The following SLC30A8 variants were observed in gnomAD, a reference collection of about 807,000 sequenced individuals.
The protein encoded by SLC30A8 is proton-coupled zinc antiporter SLC30A8.
Under a neutral mutation model 36.9 loss-of-function variants are expected in SLC30A8, and 27 were observed. That is an observed-to-expected ratio of 0.73 (90% CI 0.54 to 1.01). SLC30A8 has a LOEUF of 1.01. Among genes scored for constraint, SLC30A8 ranks in the 50% least tolerant of loss-of-function variants. SLC30A8 has a pLI of 0.00. For synonymous variants in SLC30A8, 164 were observed against 172.4 expected (o/e 0.95, Z 0.38); for missense variants, 439 against 452.0 (o/e 0.97, Z 0.26).
chr8:117,019,699 A>G (rs1344574763), intron 1 of SLC30A8, among the ~76,000 whole-genome samples: 1 of 152,222 alleles, frequency 6.6e-6, no homozygotes, highest in Non-Finnish European at 1.5e-5. Context: ...ATTGAAAAGA[A>G]TGTTTGAAAA....
chr8:117,120,864 A>G (rs1173546847), intron 2 of SLC30A8, among the ~76,000 whole-genome samples: 1 of 151,908 alleles, frequency 6.6e-6, no homozygotes, highest in Non-Finnish European at 1.5e-5. Flanking sequence ...TCAAAGGGCC[A>G]ATAAGTATAT....
chr8:117,153,800 C>T (rs747153941), intron 3 of SLC30A8, among the ~76,000 whole-genome samples: 6 of 151,422 alleles, frequency 4.0e-5, no homozygotes, highest in Non-Finnish European at 8.8e-5. Flanking sequence ...AGGAGGAAAG[C>T]AAACACGTGC....
At chr8:117,008,467 C>G (rs1379528868) in intron 1 of SLC30A8, among the ~76,000 whole-genome samples, 1 of 152,116 alleles carries the variant, frequency 6.6e-6, no homozygotes, top group Non-Finnish European at 1.5e-5. Context: ...CATTAGATAC[C>G]TTCAAGTCAC....
rs1284795553 is a variant in SLC30A8, at chr8:117,172,133, T to C, written c.965-403T>C. Among the ~76,000 whole-genome samples, 3 of 152,090 alleles carry C rather than the reference T, an allele frequency of 2.0e-5. No homozygotes were observed. The South Asian group carries it at 6.2e-4, about 32-fold the overall frequency. On this transcript the variant is annotated intron_variant, in intron 7 of 7. Coordinates refer to ENST00000456015, the MANE Select transcript of SLC30A8 (RefSeq NM_173851.3). ...TGGGGAGCTCTAAACGCTTCCTGGT[T>C]CCTGTCACTATCCTTGATATAAATT...
rs1458960372 is a variant in SLC30A8 at position 117,173,963 on chromosome 8, A to G, written c.*1282A>G. The stretch of plus-strand genomic sequence containing the variant: ...ACAGCTCTGCTGGACTTTGAATTAC[A>G]TATGGAGGCTCTCCAGGAAGACGAA... On this transcript the variant is annotated 3_prime_UTR_variant, in exon 8 of 8. Transcript: ENST00000456015. 5.9e-5 allele frequency: 9 copies of G among 152,178 alleles called. No homozygotes were observed. Among genetic ancestry groups the G allele is most frequent in the Non-Finnish European group, 1.2e-4 (8 of 68,032 alleles). The allele number at this position is 152,178 out of a possible 1,614,324, so 9.4% of individuals were successfully genotyped here. A position where few individuals can be genotyped will look rare whatever the true frequency, so the allele number is the denominator to read the frequency against.
chr8:117,051,721 G>A (rs1005139494), intron 2 of SLC30A8, among the ~76,000 whole-genome samples: 8 of 152,062 alleles, frequency 5.3e-5, no homozygotes, highest in African/African-American at 1.9e-4. Flanking sequence ...ACTGAGGCAG[G>A]AGAATGGTGT....
chr8:116,977,141 C>CTTTTTTTTTTTTT (rs71305451), intron 1 of SLC30A8, among the ~76,000 whole-genome samples: 25 of 59,092 alleles, frequency 4.2e-4, no homozygotes, highest in South Asian at 9.6e-4. Context: ...CTTTTTCTTG[C>CTTTTTTTTTTTTT]TTTTTTTTTT....
chr8:116,961,775 C>T (rs1439239918), intron 1 of SLC30A8, among the ~76,000 whole-genome samples: 2 of 151,890 alleles, frequency 1.3e-5, no homozygotes, highest in Non-Finnish European at 2.9e-5. Flanking sequence ...AGAGAGAGCA[C>T]CTACTTCCAT....
intron 2 of SLC30A8, among the ~76,000 whole-genome samples, chr8:117,119,786 G>A (rs967970818): frequency 6.6e-6 from 1 of 151,772 alleles, no homozygotes; most frequent in Non-Finnish European, 1.5e-5. Context: ...TAAAGCTGCA[G>A]GATATAAAAT....
intron 1 of SLC30A8, among the ~76,000 whole-genome samples, chr8:117,028,346 A>G (rs1204927059): frequency 6.6e-6 from 1 of 152,224 alleles, no homozygotes; most frequent in Non-Finnish European, 1.5e-5. Flanking sequence ...CTTTCCTGAA[A>G]TATGAATACA....
At chr8:117,074,447 G>A (rs1818428926) in intron 2 of SLC30A8, among the ~76,000 whole-genome samples, 1 of 152,154 alleles carries the variant, frequency 6.6e-6, no homozygotes, top group Admixed American at 6.5e-5. Context: ...TTACCTTAGA[G>A]GGGATAGTAT....
chr8:117,133,962 G>A (rs1273855956), upstream of SLC30A8, among the ~76,000 whole-genome samples: 2 of 151,914 alleles, frequency 1.3e-5, no homozygotes. Context: ...TAGAATTTAT[G>A]TTATAGATGA....
rs866712948 is a variant in SLC30A8 at position 117,172,938 on chromosome 8, G to A, written c.*257G>A. ...ATATAGATTATTCCTGAGTGGAGCC[G>A]AAGTAACAGCTGTTTGTAACTATCG... is the stretch of plus-strand genomic sequence containing the variant. On this transcript the variant is annotated 3_prime_UTR_variant, in exon 8 of 8. Transcript: ENST00000456015. 4 of 441,544 alleles carry A rather than the reference G, an allele frequency of 9.1e-6. No homozygotes were observed. The highest frequency in any genetic ancestry group is 8.0e-5 in the East Asian group (2 of 24,870). The allele number at this position is 441,544 out of a possible 1,614,324, so 27.4% of individuals were successfully genotyped here. A position where few individuals can be genotyped will look rare whatever the true frequency, so the allele number is the denominator to read the frequency against.
intron 5 of SLC30A8, among the ~76,000 whole-genome samples, chr8:117,162,131 G>A (rs530900736): frequency 6.6e-6 from 1 of 152,262 alleles, no homozygotes; most frequent in East Asian, 1.9e-4. Context: ...TTAGCAAAAA[G>A]TATATTTATT....
intron 1 of SLC30A8, among the ~76,000 whole-genome samples, chr8:117,028,939 C>A (rs1316450571): frequency 1.3e-5 from 2 of 152,074 alleles, no homozygotes; most frequent in Non-Finnish European, 2.9e-5. Context: ...TGACATATTA[C>A]TTCTTAATGA....
intron 2 of SLC30A8, among the ~76,000 whole-genome samples, chr8:117,105,121 T>A (rs1037954734): frequency 6.6e-6 from 1 of 152,110 alleles, no homozygotes; most frequent in African/African-American, 2.4e-5. Context: ...TGTGCCAACC[T>A]CCTGTCTCAT....
intron 1 of SLC30A8, among the ~76,000 whole-genome samples, chr8:117,145,877 T>C (rs912870899): frequency 1.3e-5 from 2 of 152,074 alleles, no homozygotes; most frequent in Non-Finnish European, 2.9e-5. Flanking sequence ...GAAAGACAAA[T>C]ATCACATGTT....
At chr8:117,016,966 C>T (rs895361116) in intron 1 of SLC30A8, among the ~76,000 whole-genome samples, 4 of 151,944 alleles carry the variant, frequency 2.6e-5, no homozygotes, top group Non-Finnish European at 5.9e-5. Context: ...CAGGGAAGAT[C>T]GTCGAGGTTT....
At chr8:117,017,671 A>C (rs1245059356) in intron 1 of SLC30A8, among the ~76,000 whole-genome samples, 1 of 152,256 alleles carries the variant, frequency 6.6e-6, no homozygotes, top group Non-Finnish European at 1.5e-5. Flanking sequence ...ATACCTGTGA[A>C]GAAAATGAGG....
Sources: allele counts gnomAD v4.1 joint callset (sites outside exome capture counted in the v4.1 genomes callset), GRCh38; gene constraint gnomAD v4.1.1; transcripts MANE v1.5; gene names NCBI Gene and HGNC (gene_info 2026-07-23, HGNC 2026-07-21).